Variants in HS1BP3 observed in about 807,000 individuals in gnomAD.
HS1BP3 encodes the protein HCLS1-binding protein 3.
HS1BP3 carries 32 observed loss-of-function variants against 33.5 expected under a neutral mutation model. That is an observed-to-expected ratio of 0.95 (90% CI 0.72 to 1.28). The LOEUF is 1.28. Among genes scored for constraint, HS1BP3 ranks in the 50% most tolerant of loss-of-function variants. The pLI, the probability that HS1BP3 is intolerant of heterozygous loss-of-function variation, is 0.00. For synonymous variants in HS1BP3, 187 were observed against 209.2 expected (o/e 0.89, Z 0.92); for missense variants, 486 against 502.3 (o/e 0.97, Z 0.31).
chr2:20,607,079 T>C (rs1212633452), intron 2 of HS1BP3, among the ~76,000 whole-genome samples: 1 of 152,148 alleles, frequency 6.6e-6, no homozygotes, highest in Non-Finnish European at 1.5e-5. Flanking sequence ...AAGAGTTTTA[T>C]AGTAATAGCT....
At chr2:20,613,104 G>C (rs1694347745), downstream of HS1BP3, among the ~76,000 whole-genome samples, 1 of 152,170 alleles carries the variant, frequency 6.6e-6, no homozygotes, top group South Asian at 2.1e-4. Flanking sequence ...CTGAGAAACA[G>C]GTGGGCAAGA....
chr2:20,575,570 C>T (rs796544405), intron 5 of HS1BP3, among the ~76,000 whole-genome samples: 70 of 152,396 alleles, frequency 4.6e-4, no homozygotes, highest in African/African-American at 1.5e-3. Flanking sequence ...CTTGCAGCAT[C>T]CCTGGAGGCC....
intron 5 of HS1BP3, among the ~76,000 whole-genome samples, chr2:20,575,243 G>A (rs80314466): frequency 0.058 from 8,841 of 152,256 alleles, 251 homozygotes; most frequent in African/African-American, 0.071. Flanking sequence ...TCTAGGCCTC[G>A]TTCCAAGGGT....
At position 20,641,111 on chromosome 2, in the gene HS1BP3, G is replaced by A; in HGVS notation, c.268C>T (p.Leu90Phe). 1 of 1,613,542 alleles carries A rather than the reference G, an allele frequency of 6.2e-7. No homozygotes were observed. Among genetic ancestry groups the A allele is most frequent in the Non-Finnish European group, 8.5e-7 (1 of 1,180,026 alleles). Residue 90 changes from leucine to phenylalanine, a missense_variant, in exon 3 of 7, where the codon CTC becomes TTC. Physicochemically the swap from Leu to Phe is conservative, Grantham distance 22. Coordinates refer to ENST00000304031, the MANE Select transcript of HS1BP3 (RefSeq NM_022460.4). ...AGGACCTTCCTGGGTAGTGGGGGGA[G>A]GCTGGCTGCTGCATAACGACTGCTC... ...KLSSRYAAAS[L>F]PPLPRKVLFV...
intron 4 of HS1BP3, among the ~76,000 whole-genome samples, chr2:20,629,235 T>G (rs1177676362): frequency 6.6e-6 from 1 of 152,156 alleles, no homozygotes; most frequent in Non-Finnish European, 1.5e-5. Context: ...AGGGTTGTCA[T>G]GAACATGGAG....
the HS1BP3 span, among the ~76,000 whole-genome samples, chr2:20,554,706 C>CAA: frequency 1.1e-3 from 114 of 104,530 alleles, 2 homozygotes; most frequent in East Asian, 4.3e-3. Context: ...CTCCACCTCA[C>CAA]AAAAAAAAAA....
intron 5 of HS1BP3, among the ~76,000 whole-genome samples, chr2:20,576,691 T>TA (rs1485551319): frequency 3.3e-5 from 5 of 152,212 alleles, no homozygotes; most frequent in Non-Finnish European, 7.3e-5. Context: ...CCTTGAATGG[T>TA]ACCCTTAATG....
chr2:20,598,297 C>G, intron 2 of HS1BP3: 1 of 388,450 alleles, frequency 2.6e-6, no homozygotes, highest in South Asian at 1.9e-5. Context: ...GATAGATCGT[C>G]AGGCATTAGA....
intron 3 of HS1BP3, among the ~76,000 whole-genome samples, chr2:20,639,673 AT>A (rs1384267386): frequency 6.6e-6 from 1 of 152,252 alleles, no homozygotes; most frequent in Non-Finnish European, 1.5e-5. Context: ...TGTCATAAGC[AT>A]CTTACATTTA....
At chr2:20,650,961 T>G in intron 1 of HS1BP3, 71 bp downstream of exon 1, 2 of 1,185,584 alleles carry the variant, frequency 1.7e-6, no homozygotes, top group Non-Finnish European at 2.1e-6. Context: ...GGCGGCGGCC[T>G]CCCCCCGCCT....
At chr2:20,617,207 G>C (rs1161705778), downstream of HS1BP3, among the ~76,000 whole-genome samples, 1 of 152,182 alleles carries the variant, frequency 6.6e-6, no homozygotes, top group Non-Finnish European at 1.5e-5. Flanking sequence ...ACCTCTCGGA[G>C]GAAGACCTGG....
intron 2 of HS1BP3, chr2:20,598,295 G>T: frequency 2.6e-6 from 1 of 387,070 alleles, no homozygotes; most frequent in Non-Finnish European, 5.4e-6. Context: ...GTGATAGATC[G>T]TCAGGCATTA....
chr2:20,609,107 G>A (rs1416262715), intron 2 of HS1BP3, among the ~76,000 whole-genome samples: 1 of 152,226 alleles, frequency 6.6e-6, no homozygotes, highest in African/African-American at 2.4e-5. Context: ...AGAAACACAG[G>A]TGTTCAAGGG....
downstream of HS1BP3, among the ~76,000 whole-genome samples, chr2:20,617,433 C>T (rs990063872): frequency 5.9e-5 from 9 of 152,140 alleles, no homozygotes; most frequent in African/African-American, 1.9e-4. Flanking sequence ...AGTCAGCTCT[C>T]GACCCCAAAA....
downstream of HS1BP3, among the ~76,000 whole-genome samples, chr2:20,560,104 A>G (rs926263352): frequency 1.3e-5 from 2 of 152,194 alleles, no homozygotes; most frequent in Admixed American, 6.5e-5. Context: ...CACAGACCCC[A>G]TGGACATTTG....
At chr2:20,645,261 G>A (rs1695481257) in intron 2 of HS1BP3, 79 bp downstream of exon 2, 1 of 1,446,196 alleles carries the variant, frequency 6.9e-7, no homozygotes, top group Admixed American at 1.9e-5. Context: ...GATGCTACTT[G>A]AACCCTGGTG....
intron 4 of HS1BP3, among the ~76,000 whole-genome samples, 190 bp from the exon 5 acceptor site, chr2:20,625,082 A>C (rs1694736784): frequency 6.6e-6 from 1 of 152,228 alleles, no homozygotes; most frequent in Non-Finnish European, 1.5e-5. Flanking sequence ...GTGGAGCTGA[A>C]GTCTTTCTGA....
chr2:20,614,773 G>A (rs1292251905), downstream of HS1BP3, among the ~76,000 whole-genome samples: 2 of 152,252 alleles, frequency 1.3e-5, no homozygotes, highest in East Asian at 3.9e-4. Context: ...GCCTCTGAAA[G>A]TCAGCAATAA....
At chr2:20,635,710 C>T (rs1177974475) in intron 4 of HS1BP3, 1 of 152,162 alleles carries the variant, frequency 6.6e-6, no homozygotes, top group Non-Finnish European at 1.5e-5. Context: ...TACGAAAAGG[C>T]ACGTGCATTG....
Sources: allele counts gnomAD v4.1 joint callset (sites outside exome capture counted in the v4.1 genomes callset), GRCh38; gene constraint gnomAD v4.1.1; transcripts MANE v1.5; gene names NCBI Gene and HGNC (gene_info 2026-07-23, HGNC 2026-07-21).